Variants in IQANK1 observed in about 807,000 individuals in gnomAD.
The protein encoded by IQANK1 is IQ motif and ankyrin repeat domain-containing protein 1.
Under a neutral mutation model 22.6 loss-of-function variants are expected in IQANK1, and 30 were observed. That is an observed-to-expected ratio of 1.33 (90% CI 0.99 to 1.80). The LOEUF (loss-of-function observed/expected upper bound fraction) is 1.80, where lower values mean the gene tolerates loss of function less well. Among genes scored for constraint, IQANK1 ranks in the 40% most tolerant of loss-of-function variants. The pLI is 0.00. For missense variants in IQANK1, 275 were observed against 235.2 expected (o/e 1.17, Z -1.11); for synonymous variants, 122 against 99.6 (o/e 1.23, Z -1.34).
chr8:143,784,625 A>T (rs1554631173), intron 7 of IQANK1, among the ~76,000 whole-genome samples: 2 of 152,220 alleles, frequency 1.3e-5, no homozygotes, highest in Admixed American at 6.5e-5. Flanking sequence ...ATGTCCATTG[A>T]GGGTTAACAG....
At chr8:143,780,560 G>T (rs1202847628) in intron 7 of IQANK1, among the ~76,000 whole-genome samples, 1 of 152,112 alleles carries the variant, frequency 6.6e-6, no homozygotes, top group Non-Finnish European at 1.5e-5. Context: ...CCGTTTACAG[G>T]TGAGAACATG....
At position 143,749,408 on chromosome 8, in the gene IQANK1, CAT is replaced by C. The variant is rs1188649293; in HGVS notation, c.175+9466_175+9467del. On this transcript the variant is annotated intron_variant, in intron 3 of 13. Coordinates refer to ENST00000527139, the MANE Select transcript of IQANK1 (RefSeq NM_001381874.1). Reference sequence around the variant, plus strand: ...GTGAATATATAATTATATATCATATCATATATAATATATACATATATCTCATA... The same window carrying C: ...GTGAATATATAATTATATATCATATCATATAATATATACATATATCTCATA... Among the ~76,000 whole-genome samples the C allele has an allele frequency of 6.6e-4, 80 of 121,556 alleles. No homozygotes were observed. In the South Asian group the frequency reaches 0.011, roughly 16 times the overall value. The allele number at this position is 121,556 out of a possible 152,430, so 79.7% of individuals were successfully genotyped here.
chr8:143,753,308 C>T (rs189660129), intron 3 of IQANK1, among the ~76,000 whole-genome samples: 1 of 152,148 alleles, frequency 6.6e-6, no homozygotes, highest in East Asian at 1.9e-4. Context: ...GCCACCGCAC[C>T]TGGCCTTTTT....
chr8:143,768,370 G>C (rs1554629409), intron 3 of IQANK1, among the ~76,000 whole-genome samples: 1 of 151,938 alleles, frequency 6.6e-6, no homozygotes, highest in African/African-American at 2.4e-5. Flanking sequence ...TCACTTAGTG[G>C]GGGGGTTTCC....
In IQANK1 at chr8:143,786,181, G is replaced by A. The variant is rs1819885383; in HGVS notation, c.790-2734G>A. On this transcript the variant is annotated intron_variant, in intron 7 of 13. Transcript: ENST00000527139. ...CCTGGCCATGTCATACGTTTTACTGGTAGGAATCATTTGAAGCCTAGAAAG... is the reference window on the plus strand; with the variant it reads ...CCTGGCCATGTCATACGTTTTACTGATAGGAATCATTTGAAGCCTAGAAAG... 2.6e-5 allele frequency among the ~76,000 whole-genome samples: 4 copies of A among 152,202 alleles called. No individual in the cohort carries two copies. In the South Asian group the frequency reaches 8.3e-4, roughly 31 times the overall value.
chr8:143,776,178 G>A (rs1309759049), intron 7 of IQANK1, among the ~76,000 whole-genome samples: 3 of 151,674 alleles, frequency 2.0e-5, no homozygotes, highest in East Asian at 1.9e-4. Context: ...CAAATTAGCC[G>A]GGCGTGGTGG....
chr8:143,775,783 G>A (rs1328602509), intron 7 of IQANK1, among the ~76,000 whole-genome samples: 1 of 74,278 alleles, frequency 1.3e-5, no homozygotes, highest in Non-Finnish European at 2.3e-5. Context: ...AACTATAGCT[G>A]TATTACACAC....
chr8:143,738,846 C>T (rs758118546), intron 2 of IQANK1, among the ~76,000 whole-genome samples: 1 of 152,226 alleles, frequency 6.6e-6, no homozygotes, highest in South Asian at 2.1e-4. Flanking sequence ...CCCAGCTGGC[C>T]ATGGGAACCC....
At chr8:143,742,757 C>T (rs1391968485) in intron 3 of IQANK1, 3 of 454,918 alleles carry the variant, frequency 6.6e-6, no homozygotes, top group Admixed American at 4.7e-5. Flanking sequence ...ACGGGATCCT[C>T]CAACCAGACA....
rs117034193 is a variant in IQANK1 at position 143,755,987 on chromosome 8, G to A, written c.176-15501G>A. On this transcript the variant is annotated intron_variant, in intron 3 of 13. Transcript: ENST00000527139. ...CATTGATAAAGCATGAAGGTGGCTG[G>A]AAAGCATGACTGCCATCCACAGTGC... Among the ~76,000 whole-genome samples the A allele has an allele frequency of 1.8e-4, 27 of 152,332 alleles. No homozygotes were observed. In the East Asian group the frequency reaches 4.8e-3, roughly 27 times the overall value.
chr8:143,738,420 G>A (rs1554625985), intron 2 of IQANK1, among the ~76,000 whole-genome samples: 1 of 152,182 alleles, frequency 6.6e-6, no homozygotes, highest in African/African-American at 2.4e-5. Flanking sequence ...ACCGCAGCTC[G>A]GGACTCTGGC....
chr8:143,788,889 G>A (rs1051712508), intron 7 of IQANK1, 26 bp from the exon 8 acceptor site: 2 of 398,916 alleles, frequency 5.0e-6, no homozygotes, highest in East Asian at 7.1e-5. Context: ...CGCACTGAGG[G>A]CCCGACAAAT....
chr8:143,781,342 A>C (rs1563780103), intron 7 of IQANK1, among the ~76,000 whole-genome samples: 1 of 151,936 alleles, frequency 6.6e-6, no homozygotes. Context: ...CCTACTTGTC[A>C]ATTTTTGCTT....
chr8:143,759,648 C>T (rs1587481686), intron 3 of IQANK1: 1 of 152,352 alleles, frequency 6.6e-6, no homozygotes, highest in East Asian at 1.9e-4. Flanking sequence ...TTGTGAAAAT[C>T]CACAGGCGTT....
intron 7 of IQANK1, among the ~76,000 whole-genome samples, chr8:143,782,443 G>T (rs1819812318): frequency 7.4e-6 from 1 of 135,212 alleles, no homozygotes; most frequent in South Asian, 2.7e-4. Context: ...GTTGGCTGTG[G>T]GCTTGTCAGT....
intron 3 of IQANK1, among the ~76,000 whole-genome samples, chr8:143,768,347 A>G (rs1047570438): frequency 6.6e-6 from 1 of 151,834 alleles, no homozygotes; most frequent in Non-Finnish European, 1.5e-5. Context: ...ACTGCTTGTG[A>G]CGTTGCCCTC....
At position 143,735,132 on chromosome 8, in the gene IQANK1, C is replaced by T. The variant is rs1380651108; in HGVS notation, c.-4-718C>T. On this transcript the variant is annotated intron_variant, in intron 1 of 13. Coordinates refer to ENST00000527139, the MANE Select transcript of IQANK1 (RefSeq NM_001381874.1). The surrounding 1 kb of genome is among the most constrained non-coding windows in gnomAD (Gnocchi z 5.2). ...TTGTTCTTTCCCCAAACACTCAGTG[C>T]CACCCCACTGGTACCAGCATGCTGG... 6.6e-6 allele frequency among the ~76,000 whole-genome samples: 1 copy of T among 152,264 alleles called. No homozygotes were observed. Among genetic ancestry groups the T allele is most frequent in the Non-Finnish European group, 1.5e-5 (1 of 68,054 alleles).
At chr8:143,783,020 T>A (rs782614975) in intron 7 of IQANK1, among the ~76,000 whole-genome samples, 2 of 152,240 alleles carry the variant, frequency 1.3e-5, no homozygotes, top group Non-Finnish European at 2.9e-5. Flanking sequence ...TTCATTTACT[T>A]TCATTGTTAT....
At chr8:143,741,132 C>T (rs1282090517) in intron 3 of IQANK1, among the ~76,000 whole-genome samples, 5 of 152,158 alleles carry the variant, frequency 3.3e-5, no homozygotes, top group East Asian at 1.9e-4. Context: ...ACCAAGAGGC[C>T]GCTCTTCTGC....
Sources: gnomAD v4.1 joint callset for allele counts (sites outside exome capture counted in the v4.1 genomes callset) on GRCh38, gnomAD v4.1.1 for gene constraint, Gnocchi (gnomAD v3.1) non-coding constraint, MANE v1.5 for transcripts, NCBI Gene and HGNC (gene_info 2026-07-23, HGNC 2026-07-21) for gene names.